The following POR variants were observed in gnomAD, a reference collection of about 807,000 sequenced individuals.
The protein encoded by POR is cytochrome p450 oxidoreductase, also known as NADPH--cytochrome P450 reductase.
POR carries 56 observed loss-of-function variants against 84.0 expected under a neutral mutation model. That is an observed-to-expected ratio of 0.67 (90% CI 0.54 to 0.83). The LOEUF (loss-of-function observed/expected upper bound fraction) is 0.83. Among genes scored for constraint, POR ranks in the 40% least tolerant of loss-of-function variants. POR has a pLI of 0.00. For missense variants in POR, 938 were observed against 944.3 expected (o/e 0.99, Z 0.09); for synonymous variants, 414 against 400.5 (o/e 1.03, Z -0.40).
intron 1 of POR, among the ~76,000 whole-genome samples, chr7:75,952,873 G>C (rs1554553108): frequency 6.7e-6 from 1 of 150,084 alleles, no homozygotes; most frequent in Non-Finnish European, 1.5e-5. Context: ...TAACATCCCA[G>C]ACGATGGGCA....
chr7:75,982,400 C>G, intron 8 of POR, 78 bp downstream of exon 8: 2 of 1,198,284 alleles, frequency 1.7e-6, no homozygotes, highest in Non-Finnish European at 2.4e-6. Context: ...GCCGTGTATC[C>G]CCATATCCCC....
In POR at chr7:75,936,169, ACTGCAGCCT is replaced by A. The variant is rs201908922; in HGVS notation, c.-4-17808_-4-17800del. 7.6e-3 allele frequency among the ~76,000 whole-genome samples: 1,036 copies of A among 136,506 alleles called. 8 individuals are homozygous for A. Among genetic ancestry groups the A allele is most frequent in the Non-Finnish European group, 9.7e-3 (644 of 66,140 alleles). 89.6% of individuals were successfully genotyped at this position (136,506 alleles called of 152,430 possible). ...TGCAATGACACAATCATCATGGCTC[ACTGCAGCCT>A]CTGCAGCCTCTAACTCCCGGGCTTA... On this transcript the variant is annotated intron_variant, in intron 1 of 15. Transcript: ENST00000461988.
At chr7:75,977,757 G>A (rs1367821395) in intron 3 of POR, among the ~76,000 whole-genome samples, 2 of 152,072 alleles carry the variant, frequency 1.3e-5, no homozygotes, top group African/African-American at 4.8e-5. Context: ...CAATCTGGGC[G>A]TCAGAGCGAG....
At position 75,983,480 on chromosome 7, in the gene POR, A is replaced by G. The variant is rs201187212; in HGVS notation, c.831-40A>G. The G allele has an allele frequency of 4.9e-4, 715 of 1,453,918 alleles. 2 individuals carry two copies. Among genetic ancestry groups the G allele is most frequent in the Non-Finnish European group, 5.8e-4 (601 of 1,036,426 alleles). The allele number at this position is 1,453,918 out of a possible 1,614,324, so 90.1% of individuals were successfully genotyped here. A position where few individuals can be genotyped will look rare whatever the true frequency, so the allele number is the denominator to read the frequency against. On this transcript the variant is annotated intron_variant, in intron 8 of 15. Transcript: ENST00000461988. ...CCTTGGAGACGGAGACTCAGATCAA[A>G]GCCCCGGCCGCTCACTGTGCTTCTC...
intron 8 of POR, among the ~76,000 whole-genome samples, chr7:75,982,679 T>TC (rs1383726140): frequency 6.6e-6 from 1 of 152,196 alleles, no homozygotes; most frequent in Non-Finnish European, 1.5e-5. Context: ...AACCTGGCGT[T>TC]CCTCTCTGTG....
intron 2 of POR, among the ~76,000 whole-genome samples, chr7:75,964,603 A>C (rs1361818332): frequency 2.0e-5 from 3 of 152,198 alleles, no homozygotes; most frequent in Admixed American, 6.5e-5. Flanking sequence ...CCACCGCACC[A>C]GGCCAGCATT....
rs181281742 is a variant in POR, at chr7:75,969,703, G to A, written c.189-2710G>A. Reference sequence around the variant, plus strand: ...AGGTCAGACCTCAGAGGTGGCTAGGGAGTGAGAAGTGCCCTCAACAGCCTC... The same window carrying A: ...AGGTCAGACCTCAGAGGTGGCTAGGAAGTGAGAAGTGCCCTCAACAGCCTC... On this transcript the variant is annotated intron_variant, in intron 2 of 15. Coordinates refer to ENST00000461988, the MANE Select transcript of POR (RefSeq NM_000941.3). 2.6e-5 allele frequency among the ~76,000 whole-genome samples: 4 copies of A among 152,322 alleles called. No homozygotes were observed. In the East Asian group the frequency reaches 7.7e-4, roughly 29 times the overall value.
At chr7:75,979,901 G>C (rs1008955720) in intron 4 of POR, 23 of 378,510 alleles carry the variant, frequency 6.1e-5, no homozygotes, top group Non-Finnish European at 8.4e-5. Context: ...CCTCTCCTTC[G>C]AGGTCTTGGT....
chr7:75,985,239 G>A (rs41301427), intron 12 of POR, 32 bp downstream of exon 12: 144,902 of 1,557,518 alleles, frequency 0.093, 7,427 homozygotes, highest in South Asian at 0.15. Context: ...CCAGCCACAC[G>A]CTGGAGGCCC....
At chr7:75,951,077 G>C (rs7805657) in intron 1 of POR, among the ~76,000 whole-genome samples, 267 of 11,252 alleles carry the variant, frequency 0.024, 4 homozygotes, top group Non-Finnish European at 0.028. Context: ...CCCCCCCCCC[G>C]AAAAAAAAAA....
chr7:75,942,738 G>A (rs1235524647), intron 1 of POR, among the ~76,000 whole-genome samples: 1 of 151,676 alleles, frequency 6.6e-6, no homozygotes, highest in Non-Finnish European at 1.5e-5. Context: ...TCTAGGAATT[G>A]TATGGCGCAG....
rs377451454 is a variant in POR at position 75,985,654 on chromosome 7, G to A, written c.1474G>A (p.Val492Met). 68 of 1,595,140 alleles carry A rather than the reference G, an allele frequency of 4.3e-5. 1 individual carries two copies. In the Admixed American group the frequency reaches 7.4e-4, roughly 17 times the overall value. The change falls in exon 13 of 16, where the codon GTG (valine) becomes ATG (methionine). Residue 492 changes from valine to methionine, a missense_variant. Val to Met is a conservative substitution (Grantham distance 21). Transcript: ENST00000461988. ...CAAGGCTGGCCGCATCAACAAGGGC[G>A]TGGCCACCAACTGGCTGCGGGCCAA...
At position 75,954,124 on chromosome 7, in the gene POR, G is replaced by T. The variant is rs1210348345; in HGVS notation, c.132G>T (p.Trp44Cys). The T allele has an allele frequency of 1.2e-6, 2 of 1,613,240 alleles. No individual in the cohort carries two copies. The highest frequency in any genetic ancestry group is 2.2e-5 in the South Asian group (2 of 90,920). The change falls in exon 2 of 16, where the codon TGG (tryptophan) becomes TGT (cysteine). Residue 44 changes from tryptophan to cysteine, a missense_variant. By Grantham distance (215) the Trp-to-Cys change is radical. Transcript: ENST00000461988. Reference sequence around the variant, plus strand: ...TCATCGTGGGTCTCCTAACCTACTGGTTCCTCTTCAGAAAGAAAAAAGAAG... The same window carrying T: ...TCATCGTGGGTCTCCTAACCTACTGTTTCCTCTTCAGAAAGAAAAAAGAAG...
Position 75,985,063 on chromosome 7 carries a change from G to C in POR, c.1254G>C (p.Leu418=). The change falls in exon 12 of 16, where the codon CTG becomes CTC. Residue 418 remains leucine, a synonymous_variant. Transcript: ENST00000461988. The stretch of plus-strand genomic sequence containing the variant: ...CTCACCCCCGTGTCTCTTAGGAGCT[G>C]TACCTGAGCTGGGTGGTGGAGGCCC... The C allele has an allele frequency of 6.3e-7, 1 of 1,598,280 alleles. No homozygotes were observed. The highest frequency in any genetic ancestry group is 1.1e-5 in the South Asian group (1 of 90,924).
At chr7:75,959,658 G>A (rs780659156) in intron 2 of POR, among the ~76,000 whole-genome samples, 3 of 152,144 alleles carry the variant, frequency 2.0e-5, no homozygotes, top group Non-Finnish European at 4.4e-5. Flanking sequence ...GTTTCACCAC[G>A]TTGGCCAGGC....
At chr7:75,966,073 G>T (rs1475730441) in intron 2 of POR, among the ~76,000 whole-genome samples, 1 of 152,176 alleles carries the variant, frequency 6.6e-6, no homozygotes, top group Non-Finnish European at 1.5e-5. Context: ...GCCTTGTCAA[G>T]GTGGATAGAA....
At position 75,980,883 on chromosome 7, in the gene POR, A is replaced by C. The variant is rs782079341; in HGVS notation, c.517-165A>C. On this transcript the variant is annotated intron_variant, in intron 5 of 15. Coordinates refer to ENST00000461988, the MANE Select transcript of POR (RefSeq NM_000941.3). ...CAGGTCAACCAGATGAAGCCTCTTC[A>C]GTGGCCCAGTGTTCCTTGCAGTGCG... 3.6e-4 allele frequency: 382 copies of C among 1,071,550 alleles called. 1 individual carries two copies. The highest frequency in any genetic ancestry group is 1.2e-3 in the Middle Eastern group (4 of 3,212). 66.4% of individuals were successfully genotyped at this position (1,071,550 alleles called of 1,614,324 possible).
rs782244060 is a variant in POR at position 75,981,108 on chromosome 7, A to G, written c.577A>G (p.Lys193Glu). ...CAATGCCATGGGCAAGTACGTGGAC[A>G]AGCGGCTGGAGCAGCTCGGCGCCCA... The change falls in exon 6 of 16, where the codon AAG becomes GAG. Residue 193 changes from lysine to glutamate, a missense_variant. By Grantham distance (56) the Lys-to-Glu change is moderately conservative. Transcript: ENST00000461988. 6.4e-7 allele frequency: 1 copy of G among 1,567,546 alleles called. No homozygotes were observed. The highest frequency in any genetic ancestry group is 2.4e-5 in the East Asian group (1 of 42,066).
intron 3 of POR, among the ~76,000 whole-genome samples, chr7:75,974,421 A>G (rs949319059): frequency 6.6e-6 from 1 of 152,158 alleles, no homozygotes; most frequent in African/African-American, 2.4e-5. Flanking sequence ...AGGCTTAAAA[A>G]AAAAACTCAG....
Sources: gnomAD v4.1 joint callset for allele counts (sites outside exome capture counted in the v4.1 genomes callset) on GRCh38, gnomAD v4.1.1 for gene constraint, MANE v1.5 for transcripts, NCBI Gene and HGNC (gene_info 2026-07-23, HGNC 2026-07-21) for gene names.